LINGO2: variants seen among roughly 807,000 people sequenced by gnomAD.
The protein encoded by LINGO2 is leucine rich repeat and Ig domain containing 2, also known as leucine-rich repeat and immunoglobulin-like domain-containing nogo receptor-interacting protein 2.
Under a neutral mutation model 30.6 loss-of-function variants are expected in LINGO2, and 14 were observed. The observed-to-expected ratio is 0.46, with a 90% confidence interval of 0.30 to 0.72. LINGO2 has a LOEUF of 0.72. Among genes scored for constraint, LINGO2 ranks in the 30% least tolerant of loss-of-function variants. The pLI is 0.07. For synonymous variants in LINGO2, 317 were observed against 288.5 expected, an observed-to-expected ratio of 1.10 and a Z score of -1.00; for missense variants, 729 against 751.7, an observed-to-expected ratio of 0.97 and a Z score of 0.35.
intron 4 of LINGO2, among the ~76,000 whole-genome samples, chr9:28,139,194 C>A (rs939720952): frequency 6.6e-6 from 1 of 152,174 alleles, no homozygotes; most frequent in Non-Finnish European, 1.5e-5. Flanking sequence ...ACTCTACCAG[C>A]ATCTCAGTTA....
intron 5 of LINGO2, among the ~76,000 whole-genome samples, chr9:27,970,335 A>T (rs572559102): frequency 6.6e-6 from 1 of 152,266 alleles, no homozygotes; most frequent in Admixed American, 6.5e-5. Flanking sequence ...ATCTGTTATA[A>T]ATACTCTTGT....
At chr9:28,018,555 G>A (rs767783012) in intron 4 of LINGO2, among the ~76,000 whole-genome samples, 6 of 152,058 alleles carry the variant, frequency 3.9e-5, no homozygotes, top group Non-Finnish European at 7.4e-5. Flanking sequence ...ATACTTTTCA[G>A]AAGACATACA....
At chr9:28,954,030 T>A in the LINGO2 span, among the ~76,000 whole-genome samples, 1 of 152,114 alleles carries the variant, frequency 6.6e-6, no homozygotes, top group East Asian at 1.9e-4. Flanking sequence ...TCCGAATAAT[T>A]TTAAAGTATT....
At chr9:28,955,075 C>T in the LINGO2 span, among the ~76,000 whole-genome samples, 1 of 151,132 alleles carries the variant, frequency 6.6e-6, no homozygotes, top group African/African-American at 2.4e-5. Context: ...AAGTTATAGA[C>T]AAAAAGAAAC....
chr9:28,622,764 A>T (rs1485427724), intron 1 of LINGO2, among the ~76,000 whole-genome samples: 1 of 151,790 alleles, frequency 6.6e-6, no homozygotes, highest in East Asian at 1.9e-4. Flanking sequence ...GGAAGCTCCA[A>T]ACTATTCTCC....
At chr9:29,090,610 T>C in the LINGO2 span, among the ~76,000 whole-genome samples, 1 of 152,010 alleles carries the variant, frequency 6.6e-6, no homozygotes, top group African/African-American at 2.4e-5. Context: ...TTAAAAAGTA[T>C]CATAAAGAAA....
At chr9:28,769,465 T>C in the LINGO2 span, among the ~76,000 whole-genome samples, 146 of 1,330 alleles carry the variant, frequency 0.11, 1 homozygote, top group African/African-American at 0.21. Context: ...TTACATGCTA[T>C]ATATATATAT....
At chr9:28,809,336 C>T in the LINGO2 span, among the ~76,000 whole-genome samples, 1 of 152,250 alleles carries the variant, frequency 6.6e-6, no homozygotes, top group Non-Finnish European at 1.5e-5. Flanking sequence ...AATCATGTCT[C>T]TTGCCAAGGT....
intron 4 of LINGO2, among the ~76,000 whole-genome samples, chr9:28,272,427 G>A (rs576704757): frequency 3.3e-5 from 5 of 151,820 alleles, no homozygotes; most frequent in Admixed American, 6.6e-5. Flanking sequence ...ATTTGCAGCT[G>A]CTAAATCTCC....
the LINGO2 span, among the ~76,000 whole-genome samples, chr9:29,038,080 A>G: frequency 1.3e-5 from 2 of 151,992 alleles, no homozygotes; most frequent in African/African-American, 4.8e-5. Context: ...AAAAGATGTT[A>G]TATTCTTGTC....
At chr9:28,049,402 A>T (rs1336392704) in intron 4 of LINGO2, among the ~76,000 whole-genome samples, 1 of 150,928 alleles carries the variant, frequency 6.6e-6, no homozygotes, top group Non-Finnish European at 1.5e-5. Context: ...CATAGCAGGT[A>T]ATAAAACATA....
chr9:29,011,359 A>G, the LINGO2 span, among the ~76,000 whole-genome samples: 3 of 151,602 alleles, frequency 2.0e-5, no homozygotes, highest in African/African-American at 7.3e-5. Flanking sequence ...ACCTACTAGC[A>G]CACATTCACC....
At chr9:28,416,923 G>T (rs1822989946) in intron 2 of LINGO2, among the ~76,000 whole-genome samples, 1 of 151,942 alleles carries the variant, frequency 6.6e-6, no homozygotes, top group Non-Finnish European at 1.5e-5. Context: ...CCAATTCTTT[G>T]TACTAATAAA....
At chr9:28,023,960 CG>C (rs1180755814) in intron 4 of LINGO2, among the ~76,000 whole-genome samples, 2 of 152,126 alleles carry the variant, frequency 1.3e-5, no homozygotes, top group Non-Finnish European at 2.9e-5. Flanking sequence ...TCCAGGGAAG[CG>C]AATTTCATTT....
intron 4 of LINGO2, among the ~76,000 whole-genome samples, chr9:28,213,064 T>G (rs1657164221): frequency 1.3e-5 from 2 of 151,556 alleles, no homozygotes; most frequent in South Asian, 2.1e-4. Flanking sequence ...TGAAACTGTA[T>G]GCAAAGTTTT....
the LINGO2 span, among the ~76,000 whole-genome samples, chr9:29,213,055 G>C: frequency 6.6e-6 from 1 of 152,128 alleles, no homozygotes; most frequent in Admixed American, 6.5e-5. Context: ...GGGATCAGGA[G>C]GGGATGGCGG....
chr9:28,291,841 A>G (rs761533575), intron 4 of LINGO2, among the ~76,000 whole-genome samples: 1 of 152,210 alleles, frequency 6.6e-6, no homozygotes, highest in Non-Finnish European at 1.5e-5. Flanking sequence ...TTGTAGACCC[A>G]AGAAACTTGG....
chr9:29,145,707 G>C, the LINGO2 span, among the ~76,000 whole-genome samples: 2 of 152,216 alleles, frequency 1.3e-5, no homozygotes, highest in Admixed American at 6.5e-5. Context: ...TGAGTTGTTT[G>C]ATTTAATATA....
the LINGO2 span, among the ~76,000 whole-genome samples, chr9:28,906,052 C>T: frequency 1.3e-5 from 2 of 151,882 alleles, no homozygotes; most frequent in South Asian, 4.2e-4. Flanking sequence ...ATGAGTTAGG[C>T]ACTGAAAAAG....
Sources: gnomAD v4.1 joint callset for allele counts (sites outside exome capture counted in the v4.1 genomes callset) on GRCh38, gnomAD v4.1.1 for gene constraint, MANE v1.5 for transcripts, NCBI Gene and HGNC (gene_info 2026-07-23, HGNC 2026-07-21) for gene names.